The following FRMD1 variants were observed in gnomAD, a reference collection of about 807,000 sequenced individuals.
FRMD1 encodes FERM domain containing 1.
Under a neutral mutation model 54.9 loss-of-function variants are expected in FRMD1, and 51 were observed. The observed-to-expected ratio is 0.93, with a 90% confidence interval of 0.74 to 1.17. The LOEUF (loss-of-function observed/expected upper bound fraction) is 1.17. FRMD1 is among the 50% of genes most tolerant of loss of function. The pLI is 0.00. For missense variants in FRMD1, 729 were observed against 743.0 expected, an observed-to-expected ratio of 0.98 and a Z score of 0.22; for synonymous variants, 324 against 306.4, an observed-to-expected ratio of 1.06 and a Z score of -0.60.
chr6:168,061,926 TA>T lies in FRMD1; in HGVS notation c.925del (p.Tyr309ThrfsTer165), dbSNP rs1799761572. The T allele has an allele frequency of 6.2e-7, 1 of 1,600,296 alleles. No homozygotes were observed. The highest frequency in any genetic ancestry group is 1.7e-5 in the Admixed American group (1 of 58,728). On this transcript the variant is annotated frameshift_variant, in exon 8 of 11. Transcript: ENST00000283309. LOFTEE classifies it high-confidence loss of function. ...DGLPAAQKLVYYTGCTWRSRH... is the reference protein window; with the variant it reads ...DGLPAAQKLVXYTGCTWRSRH... ...GGACCGCCAGGTGCACCCCGTGTAG[TA>T]AACCAGCTTCTGTGCTGCGGGCAGC...
rs984797084 is a variant in FRMD1 at position 168,063,032 on chromosome 6, A to G, written c.805-73T>C. On this transcript the variant is annotated intron_variant, in intron 6 of 10. Coordinates refer to ENST00000283309, the MANE Select transcript of FRMD1 (RefSeq NM_024919.6). ...GCCTCACTGATGGCAGAGTATGGTC[A>G]GTCTGGCTAGGGGCCGAGGGCTCCA... The G allele has an allele frequency of 4.5e-6, 6 of 1,323,708 alleles. No individual in the cohort carries two copies. In the African/African-American group the frequency reaches 8.7e-5, roughly 19 times the overall value. 82.0% of individuals were successfully genotyped at this position (1,323,708 alleles called of 1,614,324 possible). A position where few individuals can be genotyped will look rare whatever the true frequency, so the allele number is the denominator to read the frequency against.
rs1264491451 is a variant in FRMD1, at chr6:168,054,858, T to G, written c.*2239A>C. On this transcript the variant is annotated 3_prime_UTR_variant, in exon 11 of 11. Transcript: ENST00000283309. ...GGTGAGCAAAGCTGAGGCTCAAGCC[T>G]TAGGGGAGTCTGCCCCGGCCCCGGC... 2 of 152,252 alleles carry G rather than the reference T, an allele frequency of 1.3e-5. No individual in the cohort carries two copies. Among genetic ancestry groups the G allele is most frequent in the Non-Finnish European group, 2.9e-5 (2 of 68,130 alleles). The allele number at this position is 152,252 out of a possible 1,614,324, so 9.4% of individuals were successfully genotyped here. A position where few individuals can be genotyped will look rare whatever the true frequency, so the allele number is the denominator to read the frequency against.
Position 168,054,257 on chromosome 6 carries a change from G to C in FRMD1, c.*2840C>G, listed in dbSNP as rs368832986. ...ACGCAGTGGGGGGCTGAGAAACCCA[G>C]CCTGAACAAGCTCTCTGGGTCGTTC... On this transcript the variant is annotated 3_prime_UTR_variant, in exon 11 of 11. Transcript: ENST00000283309. The C allele has an allele frequency of 6.6e-6, 1 of 152,364 alleles. No individual in the cohort carries two copies. Among genetic ancestry groups the C allele is most frequent in the East Asian group, 1.9e-4 (1 of 5,160 alleles). The allele number at this position is 152,364 out of a possible 1,614,324, so 9.4% of individuals were successfully genotyped here. A position where few individuals can be genotyped will look rare whatever the true frequency, so the allele number is the denominator to read the frequency against.
chr6:168,062,795 C>G (rs1039203591), intron 7 of FRMD1, 99 bp downstream of exon 7: 1 of 1,604,870 alleles, frequency 6.2e-7, no homozygotes, highest in Non-Finnish European at 8.5e-7. Context: ...CGCCCATGAC[C>G]GCTGCAGGGA....
At chr6:168,078,211 G>C (rs770617591) in intron 1 of FRMD1, among the ~76,000 whole-genome samples, 18 of 152,012 alleles carry the variant, frequency 1.2e-4, no homozygotes, top group Non-Finnish European at 2.2e-4. Flanking sequence ...ACTAAAACAG[G>C]TAGACAAAAT....
rs368931831 is a variant in FRMD1, at chr6:168,063,761, G to A, written c.649-5C>T. ...AATCCCCCTCTTGGTGATGATCTGA[G>A]GACAGAGCCGGGAGGTCAGCTCAGA... is the stretch of plus-strand genomic sequence containing the variant. On this transcript the variant is annotated splice_polypyrimidine_tract_variant and splice_region_variant and intron_variant, in intron 5 of 10. Coordinates refer to ENST00000283309, the MANE Select transcript of FRMD1 (RefSeq NM_024919.6). 12 of 1,608,782 alleles carry A rather than the reference G, an allele frequency of 7.5e-6. No individual in the cohort carries two copies. The highest frequency in any genetic ancestry group is 8.5e-6 in the Non-Finnish European group (10 of 1,177,320).
At chr6:168,086,433 C>T (rs116848262), upstream of FRMD1, among the ~76,000 whole-genome samples, 3,277 of 149,560 alleles carry the variant, frequency 0.022, 50 homozygotes, top group Non-Finnish European at 0.033. Flanking sequence ...CATGGATGCC[C>T]ATGTCCCAAC....
chr6:168,057,478 C>T (rs1799474381), intron 10 of FRMD1, 139 bp from the exon 11 acceptor site: 6 of 1,307,262 alleles, frequency 4.6e-6, no homozygotes, highest in Non-Finnish European at 5.2e-6. Flanking sequence ...GGCCGGCCTG[C>T]CCCTGGACGG....
At chr6:168,078,647 C>T (rs371282318) in intron 1 of FRMD1, among the ~76,000 whole-genome samples, 26 of 135,232 alleles carry the variant, frequency 1.9e-4, no homozygotes, top group East Asian at 6.7e-4. Flanking sequence ...CTCACCCCCA[C>T]GGCCACCCAG....
upstream of FRMD1, among the ~76,000 whole-genome samples, chr6:168,084,957 G>A (rs370297946): frequency 5.8e-4 from 88 of 152,210 alleles, no homozygotes; most frequent in Middle Eastern, 6.8e-3. Flanking sequence ...GGGCTGCTGG[G>A]GGAGGGCGGG....
chr6:168,091,289 C>T (rs1300331351), intron 1 of FRMD1, among the ~76,000 whole-genome samples: 2 of 152,230 alleles, frequency 1.3e-5, no homozygotes, highest in Non-Finnish European at 2.9e-5. Flanking sequence ...GGTGGAGATG[C>T]CCCTTCTCTG....
In FRMD1 at chr6:168,060,897, C is replaced by A. The variant is rs745853350; in HGVS notation, c.1206G>T (p.Lys402Asn). 1.4e-5 allele frequency: 22 copies of A among 1,613,864 alleles called. 1 individual carries two copies. In the South Asian group the frequency reaches 2.2e-4, roughly 16 times the overall value. ...SHGSSYTSGI[K>N]ANSWLRESRE... ...TGGATTCCCTGAGCCAGGAGTTGGC[C>A]TTGATGCCTGACGTGTAGGAACTGC... Residue 402 changes from lysine to asparagine, a missense_variant, in exon 9 of 11, where the codon AAG becomes AAT. Lys to Asn is a moderately conservative substitution (Grantham distance 94). Coordinates refer to ENST00000283309, the MANE Select transcript of FRMD1 (RefSeq NM_024919.6).
upstream of FRMD1, among the ~76,000 whole-genome samples, chr6:168,080,496 A>C (rs1330019380): frequency 6.6e-6 from 1 of 151,668 alleles, no homozygotes; most frequent in Non-Finnish European, 1.5e-5. Context: ...CTGGATCCTC[A>C]TGGCCCTGTG....
chr6:168,060,957 G>C lies in FRMD1; in HGVS notation c.1146C>G (p.Pro382=), dbSNP rs1027226642. ...PGSGVSSQHC[P]HCLSRHSADS... is the part of the protein sequence containing the mutation. ...CGGCGGAGTGGCGTGAGAGGCAGTG[G>C]GGGCAGTGCTGGCTGCTGACCCCAC... Residue 382 remains proline (P), a synonymous_variant, in exon 9 of 11, where the codon CCC becomes CCG. Coordinates refer to ENST00000283309, the MANE Select transcript of FRMD1 (RefSeq NM_024919.6). The C allele has an allele frequency of 2.5e-6, 4 of 1,613,388 alleles. No homozygotes were observed. The highest frequency in any genetic ancestry group is 3.4e-6 in the Non-Finnish European group (4 of 1,180,022).
In FRMD1 at chr6:168,062,923, G is replaced by A. The variant is rs1799828634; in HGVS notation, c.841C>T (p.Leu281=). Residue 281 remains leucine (L), a synonymous_variant, in exon 7 of 11, where the codon CTG becomes TTG. Transcript: ENST00000283309. ...TAGATGTGCACTCCCCTGAGGGCCAGTCCCAGGATCACGGTGGGACGACCT... is the reference window on the plus strand; with the variant it reads ...TAGATGTGCACTCCCCTGAGGGCCAATCCCAGGATCACGGTGGGACGACCT... ...KEGRPTVILG[L]ALRGVHIYQG... 6.2e-7 allele frequency: 1 copy of A among 1,614,134 alleles called. No homozygotes were observed. Among genetic ancestry groups the A allele is most frequent in the African/African-American group, 1.3e-5 (1 of 75,068 alleles).
chr6:168,078,634 TTGCTCACCCCC>T, intron 1 of FRMD1, among the ~76,000 whole-genome samples: 1 of 34,728 alleles, frequency 2.9e-5, no homozygotes, highest in East Asian at 8.3e-4. Flanking sequence ...CCCCACAGCC[TTGCTCACCCCC>T]ACGGCCACCC....
chr6:168,088,508 A>C (rs2115032150), intron 1 of FRMD1, among the ~76,000 whole-genome samples: 1 of 152,308 alleles, frequency 6.6e-6, no homozygotes, highest in Middle Eastern at 3.4e-3. Flanking sequence ...TCTCAGGCAT[A>C]AACACTCGCC....
In FRMD1 at chr6:168,060,775, C is replaced by T. The variant is rs145114715; in HGVS notation, c.1328G>A (p.Arg443His). The T allele has an allele frequency of 4.8e-5, 77 of 1,609,602 alleles. No homozygotes were observed. The African/African-American group carries it at 8.4e-4, about 18-fold the overall frequency. ...CTCGGGCCCACCTTGGCTGTCACCA[C>T]GTGTGCTGGGGTGGCTGCGGCTGGT... ...PRTSRSHPSTRGDSQATRQEP... is the reference protein window; with the variant it reads ...PRTSRSHPSTHGDSQATRQEP... The change falls in exon 9 of 11, where the codon CGT (arginine) becomes CAT (histidine). Residue 443 changes from arginine (R) to histidine (H), a missense_variant. Coordinates refer to ENST00000283309, the MANE Select transcript of FRMD1 (RefSeq NM_024919.6).
At chr6:168,069,743 C>T (rs1045124833) in intron 2 of FRMD1, among the ~76,000 whole-genome samples, 2 of 152,152 alleles carry the variant, frequency 1.3e-5, no homozygotes, top group Admixed American at 6.5e-5. Context: ...GCGGCAACAC[C>T]GATCTAGAAG....
Sources: gnomAD v4.1 joint callset for allele counts (sites outside exome capture counted in the v4.1 genomes callset) on GRCh38, gnomAD v4.1.1 for gene constraint, MANE v1.5 for transcripts, NCBI Gene and HGNC (gene_info 2026-07-23, HGNC 2026-07-21) for gene names.